ROBO2: variants seen among roughly 807,000 people sequenced by gnomAD.
ROBO2 encodes roundabout homolog 2.
A neutral mutation model predicts 160.8 loss-of-function variants in ROBO2; 53 were observed. The ratio of observed to expected loss-of-function variants is 0.33; its 90% confidence interval spans 0.26 to 0.41. The LOEUF is 0.41. ROBO2 is among the 10% of genes least tolerant of loss of function. ROBO2 has a pLI of 1.00. For missense variants in ROBO2, 1,577 were observed against 1,722.4 expected (o/e 0.92, Z 1.49); for synonymous variants, 664 against 611.7 (o/e 1.09, Z -1.26).
chr3:76,245,083 A>G (rs570288141), intron 2 of ROBO2, among the ~76,000 whole-genome samples: 35 of 152,346 alleles, frequency 2.3e-4, no homozygotes, highest in African/African-American at 8.4e-4. Flanking sequence ...CTGAATTTTC[A>G]ATTTGCCTCT....
intron 20 of ROBO2, among the ~76,000 whole-genome samples, chr3:77,605,498 G>C (rs2094508849): frequency 6.6e-6 from 1 of 152,132 alleles, no homozygotes; most frequent in African/African-American, 2.4e-5. Context: ...TGAGAGAGCA[G>C]AAATTTCCTC....
chr3:76,451,509 G>A (rs2077473196), intron 2 of ROBO2, among the ~76,000 whole-genome samples: 1 of 152,058 alleles, frequency 6.6e-6, no homozygotes, highest in Non-Finnish European at 1.5e-5. Context: ...TTCAAACTAT[G>A]ACCTTAGAAT....
intron 2 of ROBO2, among the ~76,000 whole-genome samples, chr3:76,004,999 A>C (rs2065981170): frequency 6.6e-6 from 1 of 152,186 alleles, no homozygotes; most frequent in East Asian, 1.9e-4. Flanking sequence ...TTGTGAACAG[A>C]TTCAGCTGAT....
At chr3:76,560,067 A>G (rs775180102) in intron 2 of ROBO2, among the ~76,000 whole-genome samples, 1 of 152,028 alleles carries the variant, frequency 6.6e-6, no homozygotes, top group Non-Finnish European at 1.5e-5. Context: ...CCCTTTCTGT[A>G]TATATTAATT....
At chr3:77,285,627 G>A (rs2060533736) in intron 2 of ROBO2, among the ~76,000 whole-genome samples, 1 of 152,048 alleles carries the variant, frequency 6.6e-6, no homozygotes, top group African/African-American at 2.4e-5. Context: ...TTAAACTAAA[G>A]CATTATGACC....
chr3:76,428,571 G>A (rs2076311327), intron 2 of ROBO2, among the ~76,000 whole-genome samples: 1 of 151,952 alleles, frequency 6.6e-6, no homozygotes, highest in Non-Finnish European at 1.5e-5. Flanking sequence ...TTAAGGAGTT[G>A]GTTTTTGCTT....
intron 2 of ROBO2, among the ~76,000 whole-genome samples, chr3:76,915,774 A>C (rs2076267765): frequency 6.6e-6 from 1 of 152,070 alleles, no homozygotes. Context: ...GATCCTGTCT[A>C]AGTAAGTTTG....
At chr3:76,232,154 A>C (rs1704657247) in intron 2 of ROBO2, among the ~76,000 whole-genome samples, 1 of 152,200 alleles carries the variant, frequency 6.6e-6, no homozygotes, top group African/African-American at 2.4e-5. Flanking sequence ...TCACTAAGAA[A>C]AGCAGAAAAA....
intron 20 of ROBO2, chr3:77,603,703 T>A (rs1002261610): frequency 1.3e-5 from 2 of 152,158 alleles, no homozygotes; most frequent in Non-Finnish European, 2.9e-5. Flanking sequence ...GAAACACCCT[T>A]TACTGGACAA....
intron 2 of ROBO2, among the ~76,000 whole-genome samples, chr3:75,953,616 A>G (rs1467915481): frequency 6.6e-6 from 1 of 151,924 alleles, no homozygotes; most frequent in African/African-American, 2.4e-5. Context: ...CCAATAAATC[A>G]GAAAGCTTTT....
chr3:76,570,503 A>C (rs558023710), intron 2 of ROBO2, among the ~76,000 whole-genome samples: 3 of 152,376 alleles, frequency 2.0e-5, no homozygotes, highest in South Asian at 4.1e-4. Context: ...TATTAACCAT[A>C]TAAGGAGCTT....
intron 2 of ROBO2, among the ~76,000 whole-genome samples, chr3:76,543,941 T>C (rs1467947356): frequency 3.3e-5 from 5 of 152,066 alleles, no homozygotes; most frequent in Non-Finnish European, 2.9e-5. Context: ...AGGGGAAAAA[T>C]ATGCTAGAAT....
At chr3:76,718,007 A>G (rs917734157) in intron 2 of ROBO2, among the ~76,000 whole-genome samples, 3 of 152,196 alleles carry the variant, frequency 2.0e-5, no homozygotes, top group Non-Finnish European at 4.4e-5. Flanking sequence ...ATCAGATAAG[A>G]TGCTTGTAAT....
At chr3:76,243,417 A>G (rs575948069) in intron 2 of ROBO2, among the ~76,000 whole-genome samples, 2 of 152,318 alleles carry the variant, frequency 1.3e-5, no homozygotes, top group Non-Finnish European at 2.9e-5. Flanking sequence ...TTGGTAAAGT[A>G]TAAGGAAAGA....
At chr3:75,911,559 T>TC (rs1946584978) in intron 1 of ROBO2, among the ~76,000 whole-genome samples, 1 of 129,426 alleles carries the variant, frequency 7.7e-6, no homozygotes, top group African/African-American at 3.0e-5. Context: ...TTTCTTTTTT[T>TC]TTTTTTTTTT....
chr3:77,094,140 C>T (rs1008007597), intron 1 of ROBO2, among the ~76,000 whole-genome samples: 29 of 152,118 alleles, frequency 1.9e-4, no homozygotes, highest in Admixed American at 6.6e-5. Flanking sequence ...CTTGCCCAGA[C>T]CCCCTTCATT....
intron 2 of ROBO2, among the ~76,000 whole-genome samples, chr3:76,528,078 G>A (rs1358342893): frequency 6.6e-6 from 1 of 152,078 alleles, no homozygotes; most frequent in African/African-American, 2.4e-5. Flanking sequence ...ATAATAATAT[G>A]AAATTTTATT....
At chr3:77,394,442 A>G (rs1288535619) in intron 2 of ROBO2, among the ~76,000 whole-genome samples, 2 of 152,194 alleles carry the variant, frequency 1.3e-5, no homozygotes, top group Non-Finnish European at 2.9e-5. Context: ...GTATTGAACT[A>G]CTATTAAAAA....
At chr3:77,022,050 G>A (rs1331883461) in intron 2 of ROBO2, among the ~76,000 whole-genome samples, 8 of 152,136 alleles carry the variant, frequency 5.3e-5, no homozygotes, top group Non-Finnish European at 1.0e-4. Flanking sequence ...AGACCAGCCT[G>A]GGCAAAATAA....
Sources: gnomAD v4.1 joint callset for allele counts (sites outside exome capture counted in the v4.1 genomes callset) on GRCh38, gnomAD v4.1.1 for gene constraint, MANE v1.5 for transcripts, NCBI Gene and HGNC (gene_info 2026-07-23, HGNC 2026-07-21) for gene names.